SRBD1: variants seen among roughly 807,000 people sequenced by gnomAD.
SRBD1 encodes the protein S1 RNA-binding domain-containing protein 1.
In SRBD1, 88 loss-of-function variants were observed where a neutral mutation model predicts 115.3. That is an observed-to-expected ratio of 0.76 (90% confidence interval 0.64 to 0.91). SRBD1 has a LOEUF of 0.91. SRBD1 is among the 40% of genes least tolerant of loss of function. The pLI, the probability that SRBD1 is intolerant of heterozygous loss-of-function variation, is 0.00. For synonymous variants in SRBD1, 509 were observed against 407.7 expected, an observed-to-expected ratio of 1.25 and a Z score of -2.99; for missense variants, 1,385 against 1,177.4, an observed-to-expected ratio of 1.18 and a Z score of -2.58.
At chr2:45,396,288 G>GT in intron 19 of SRBD1, among the ~76,000 whole-genome samples, 1 of 152,192 alleles carries the variant, frequency 6.6e-6, no homozygotes, top group East Asian at 1.9e-4. Flanking sequence ...AATACTTTTA[G>GT]TAATATTTTA....
chr2:45,534,390 A>G (rs1671702338), intron 14 of SRBD1, among the ~76,000 whole-genome samples: 1 of 151,982 alleles, frequency 6.6e-6, no homozygotes, highest in Non-Finnish European at 1.5e-5. Context: ...AGTGTTCATA[A>G]TAGTCACCGA....
intron 19 of SRBD1, among the ~76,000 whole-genome samples, chr2:45,396,448 G>C (rs1340985469): frequency 6.6e-6 from 1 of 152,036 alleles, no homozygotes; most frequent in East Asian, 1.9e-4. Context: ...TTTTTGGAAG[G>C]CTTTTTCAGG....
At position 45,419,781 on chromosome 2, in the gene SRBD1, G is replaced by C; in HGVS notation, c.2156+7C>G. ...TTCTGTGATCTTCAGCCACATATTT[G>C]TCTCACCTTAACAAAACTTCTGAAC... On this transcript the variant is annotated splice_region_variant and intron_variant, in intron 17 of 20. Coordinates refer to ENST00000263736, the MANE Select transcript of SRBD1 (RefSeq NM_018079.5). 2.5e-6 allele frequency: 4 copies of C among 1,612,248 alleles called. No individual in the cohort carries two copies. In the South Asian group the frequency reaches 4.4e-5, roughly 18 times the overall value.
At chr2:45,417,655 T>G (rs1444556319) in intron 18 of SRBD1, among the ~76,000 whole-genome samples, 4 of 152,214 alleles carry the variant, frequency 2.6e-5, no homozygotes, top group Non-Finnish European at 4.4e-5. Flanking sequence ...GCTAAGAAGT[T>G]TATCTAACAA....
At chr2:45,593,842 C>T (rs1673802586) in intron 4 of SRBD1, among the ~76,000 whole-genome samples, 1 of 152,044 alleles carries the variant, frequency 6.6e-6, no homozygotes, top group African/African-American at 2.4e-5. Flanking sequence ...AAGGAAAAAC[C>T]AGTGCTGTTA....
At chr2:45,455,858 G>A (rs1669135941) in intron 16 of SRBD1, among the ~76,000 whole-genome samples, 1 of 151,838 alleles carries the variant, frequency 6.6e-6, no homozygotes, top group African/African-American at 2.4e-5. Context: ...GCATGTCACT[G>A]CTAACCCTGT....
chr2:45,517,356 A>G (rs949894314), intron 14 of SRBD1, among the ~76,000 whole-genome samples: 1 of 152,224 alleles, frequency 6.6e-6, no homozygotes, highest in African/African-American at 2.4e-5. Flanking sequence ...TTAGAACTCA[A>G]CTTTTACATA....
chr2:45,532,525 G>C (rs1671644202), intron 14 of SRBD1, among the ~76,000 whole-genome samples: 1 of 151,794 alleles, frequency 6.6e-6, no homozygotes, highest in African/African-American at 2.4e-5. Flanking sequence ...AATCAGGCAA[G>C]TTTTAAAAGT....
chr2:45,460,439 C>T (rs1175980538), intron 16 of SRBD1, among the ~76,000 whole-genome samples: 1 of 152,046 alleles, frequency 6.6e-6, no homozygotes, highest in African/African-American at 2.4e-5. Flanking sequence ...AGGCAGCTCA[C>T]AGAAGGTTGG....
chr2:45,505,827 G>GA (rs1467912617), intron 14 of SRBD1, among the ~76,000 whole-genome samples: 1 of 152,034 alleles, frequency 6.6e-6, no homozygotes, highest in Non-Finnish European at 1.5e-5. Context: ...CATGACTTAG[G>GA]AAAAACCTGA....
intron 16 of SRBD1, among the ~76,000 whole-genome samples, chr2:45,468,967 G>C (rs1669571398): frequency 6.6e-6 from 1 of 152,152 alleles, no homozygotes; most frequent in South Asian, 2.1e-4. Context: ...TTCATGGTAA[G>C]AGAGAGAAAT....
chr2:45,470,930 T>A (rs1454533696), intron 16 of SRBD1, among the ~76,000 whole-genome samples: 3 of 152,226 alleles, frequency 2.0e-5, no homozygotes, highest in Non-Finnish European at 2.9e-5. Flanking sequence ...AAACCAAAAG[T>A]ATTTTAGTTT....
intron 15 of SRBD1, among the ~76,000 whole-genome samples, chr2:45,486,139 T>C (rs1670111907): frequency 6.6e-6 from 1 of 152,230 alleles, no homozygotes; most frequent in African/African-American, 2.4e-5. Flanking sequence ...GTTGTAATTC[T>C]GTCTCACCTA....
intron 14 of SRBD1, among the ~76,000 whole-genome samples, chr2:45,512,061 C>T (rs1670987950): frequency 6.6e-6 from 1 of 152,176 alleles, no homozygotes; most frequent in South Asian, 2.1e-4. Context: ...CTGGAATCTT[C>T]TCTTCTCCAT....
chr2:45,546,796 T>C lies in SRBD1; in HGVS notation c.1810A>G (p.Thr604Ala), dbSNP rs1672134418. ...ATCAGGTCAGCAAAGTAAGCTTCTG[T>C]TTCCCTGCAGGCAGTTCCATTTCCA... ...VIGNGTACRETEAYFADLIMK... is the reference protein window; with the variant it reads ...VIGNGTACREAEAYFADLIMK... The change falls in exon 14 of 21, where the codon ACA (threonine) becomes GCA (alanine). Residue 604 changes from threonine to alanine, a missense_variant. Coordinates refer to ENST00000263736, the MANE Select transcript of SRBD1 (RefSeq NM_018079.5). 1.2e-6 allele frequency: 2 copies of C among 1,614,168 alleles called. No homozygotes were observed. Among genetic ancestry groups the C allele is most frequent in the Non-Finnish European group, 1.7e-6 (2 of 1,180,000 alleles).
At chr2:45,508,817 C>T (rs1474729560) in intron 14 of SRBD1, among the ~76,000 whole-genome samples, 1 of 151,696 alleles carries the variant, frequency 6.6e-6, no homozygotes, top group East Asian at 1.9e-4. Context: ...ATGATTTTTA[C>T]TAAAATAAAT....
At chr2:45,472,671 T>C (rs1228966333) in intron 16 of SRBD1, among the ~76,000 whole-genome samples, 2 of 152,174 alleles carry the variant, frequency 1.3e-5, no homozygotes, top group Non-Finnish European at 2.9e-5. Flanking sequence ...AATGTATATA[T>C]TAATATGGTA....
chr2:45,557,925 C>T (rs1391262031), intron 10 of SRBD1, among the ~76,000 whole-genome samples: 2 of 152,116 alleles, frequency 1.3e-5, no homozygotes, highest in African/African-American at 4.8e-5. Context: ...CAATGAAGCA[C>T]AAAACTGAGG....
At chr2:45,521,388 T>C (rs545857511) in intron 14 of SRBD1, among the ~76,000 whole-genome samples, 2 of 150,076 alleles carry the variant, frequency 1.3e-5, no homozygotes, top group South Asian at 2.1e-4. Flanking sequence ...AAATAGCCAA[T>C]AAGCACATTA....
Sources: allele counts gnomAD v4.1 joint callset (sites outside exome capture counted in the v4.1 genomes callset), GRCh38; gene constraint gnomAD v4.1.1; transcripts MANE v1.5; gene names NCBI Gene and HGNC (gene_info 2026-07-23, HGNC 2026-07-21).